Variants in WDPCP observed in about 807,000 individuals in gnomAD.
WDPCP encodes WD repeat-containing and planar cell polarity effector protein fritz homolog.
A neutral mutation model predicts 93.1 loss-of-function variants in WDPCP; 71 were observed. That is an observed-to-expected ratio of 0.76 (90% CI 0.63 to 0.93). WDPCP has a LOEUF of 0.93. WDPCP is among the 40% of genes least tolerant of loss of function. WDPCP has a pLI of 0.00. For missense variants in WDPCP, 844 were observed against 887.4 expected, an observed-to-expected ratio of 0.95 and a Z score of 0.62; for synonymous variants, 315 against 315.0, an observed-to-expected ratio of 1.00 and a Z score of 0.00.
chr2:63,706,605 T>TC (rs1660176432), intron 2 of WDPCP, among the ~76,000 whole-genome samples: 2 of 129,142 alleles, frequency 1.5e-5, no homozygotes, highest in African/African-American at 2.9e-5. Flanking sequence ...CTTTTCTTTT[T>TC]TTTTTTTTTT....
chr2:63,423,578 G>C (rs1696031989), intron 9 of WDPCP, among the ~76,000 whole-genome samples: 1 of 152,134 alleles, frequency 6.6e-6, no homozygotes, highest in Admixed American at 6.5e-5. Flanking sequence ...CCTGTTCTGA[G>C]TAAGAGATCA....
intron 1 of WDPCP, among the ~76,000 whole-genome samples, chr2:63,508,022 T>G (rs1701992634): frequency 6.6e-6 from 1 of 152,158 alleles, no homozygotes; most frequent in Non-Finnish European, 1.5e-5. Context: ...CAGGGTATTA[T>G]CCAGGAGAAT....
At chr2:63,207,199 A>T (rs1676405190) in intron 14 of WDPCP, among the ~76,000 whole-genome samples, 1 of 152,226 alleles carries the variant, frequency 6.6e-6, no homozygotes, top group South Asian at 2.1e-4. Flanking sequence ...ATTATCCAAT[A>T]GATTTCCTAG....
At chr2:63,211,514 C>A (rs1676800593) in intron 14 of WDPCP, among the ~76,000 whole-genome samples, 1 of 152,154 alleles carries the variant, frequency 6.6e-6, no homozygotes, top group South Asian at 2.1e-4. Flanking sequence ...TAGGGAGAAA[C>A]CAGAGCAGAA....
At chr2:63,287,074 C>T (rs567035563) in intron 13 of WDPCP, among the ~76,000 whole-genome samples, 1 of 152,332 alleles carries the variant, frequency 6.6e-6, no homozygotes, top group African/African-American at 2.4e-5. Context: ...GCTGTGTCCT[C>T]ACATGGTCTT....
chr2:63,153,822 GTTAAA>G (rs1672043796), intron 15 of WDPCP, among the ~76,000 whole-genome samples: 1 of 151,890 alleles, frequency 6.6e-6, no homozygotes, highest in Admixed American at 6.6e-5. Context: ...TCAAAGAGCA[GTTAAA>G]TTAAACTTTA....
chr2:63,209,224 A>C (rs539861391), intron 14 of WDPCP, among the ~76,000 whole-genome samples: 1 of 152,346 alleles, frequency 6.6e-6, no homozygotes, highest in South Asian at 2.1e-4. Flanking sequence ...TTATTCCATA[A>C]AATAGAATAA....
intron 13 of WDPCP, among the ~76,000 whole-genome samples, chr2:63,306,203 A>C (rs4632325): frequency 0.8 from 121,881 of 152,130 alleles, 49,692 homozygotes; most frequent in East Asian, 0.96. Context: ...GAAGTTGAAT[A>C]CCTGAATAGA....
intron 12 of WDPCP, among the ~76,000 whole-genome samples, chr2:63,316,418 G>A (rs959656674): frequency 2.0e-5 from 3 of 152,032 alleles, no homozygotes; most frequent in South Asian, 2.1e-4. Flanking sequence ...CTGGGAGGCC[G>A]AGATGGATTT....
intron 1 of WDPCP, among the ~76,000 whole-genome samples, chr2:63,821,766 G>C (rs551916678): frequency 2.6e-5 from 4 of 152,110 alleles, no homozygotes; most frequent in African/African-American, 9.6e-5. Flanking sequence ...ATAACAGTCA[G>C]TGAAAATGAG....
At chr2:63,685,487 A>G (rs1308332447) in intron 2 of WDPCP, among the ~76,000 whole-genome samples, 1 of 152,206 alleles carries the variant, frequency 6.6e-6, no homozygotes, top group Admixed American at 6.5e-5. Flanking sequence ...AGAAAAGCCC[A>G]GGACCCAGTG....
chr2:63,684,220 G>A, intron 2 of WDPCP: 2 of 398,424 alleles, frequency 5.0e-6, no homozygotes, highest in South Asian at 4.5e-5. Context: ...CATATGTTAG[G>A]TCACAAAACA....
intron 2 of WDPCP, among the ~76,000 whole-genome samples, chr2:63,680,952 C>A (rs185227262): frequency 2.0e-5 from 3 of 152,064 alleles, no homozygotes; most frequent in Non-Finnish European, 4.4e-5. Flanking sequence ...CAGAAGGGAA[C>A]CTGCTGCCTT....
intron 11 of WDPCP, among the ~76,000 whole-genome samples, chr2:63,380,808 G>T (rs4671495): frequency 0.55 from 83,612 of 151,950 alleles, 23,334 homozygotes; most frequent in Admixed American, 0.63. Context: ...AAATAAATAT[G>T]TATTGTGGGC....
chr2:63,500,454 G>GTGGGTGTGTGTGT (rs1553412903), intron 1 of WDPCP, among the ~76,000 whole-genome samples: 3 of 149,474 alleles, frequency 2.0e-5, no homozygotes, highest in African/African-American at 7.4e-5. Context: ...ATGGTGTGGG[G>GTGGGTGTGTGTGT]GTGTGTGTGT....
intron 2 of WDPCP, among the ~76,000 whole-genome samples, chr2:63,670,481 AT>A (rs1020272877): frequency 6.6e-6 from 1 of 152,246 alleles, no homozygotes; most frequent in African/African-American, 2.4e-5. Context: ...TGGCTTCTAG[AT>A]TTTTTAATTT....
chr2:63,594,136 G>C (rs1344817950), intron 3 of WDPCP, among the ~76,000 whole-genome samples: 1 of 152,158 alleles, frequency 6.6e-6, no homozygotes, highest in African/African-American at 2.4e-5. Flanking sequence ...GGGAGTGGGG[G>C]CTTTGCATAA....
At chr2:63,564,179 A>G (rs1706848342) in intron 1 of WDPCP, 1 of 152,224 alleles carries the variant, frequency 6.6e-6, no homozygotes, top group East Asian at 1.9e-4. Flanking sequence ...AAGGTGCTTC[A>G]TTATAAGGGT....
intron 1 of WDPCP, among the ~76,000 whole-genome samples, chr2:63,510,560 C>T (rs1005143319): frequency 2.6e-5 from 4 of 152,124 alleles, no homozygotes; most frequent in Admixed American, 6.5e-5. Flanking sequence ...CTATTCAACA[C>T]AGTATTGGAA....
Sources: allele counts gnomAD v4.1 joint callset (sites outside exome capture counted in the v4.1 genomes callset), GRCh38; gene constraint gnomAD v4.1.1; transcripts MANE v1.5; gene names NCBI Gene and HGNC (gene_info 2026-07-23, HGNC 2026-07-21).